CSNK2A2IP: variants seen among roughly 807,000 people sequenced by gnomAD.
CSNK2A2IP encodes the protein casein kinase II subunit alpha'-interacting protein.
chr3:88,424,110 T>C, the CSNK2A2IP span, among the ~76,000 whole-genome samples: 3 of 152,180 alleles, frequency 2.0e-5, no homozygotes, highest in Non-Finnish European at 4.4e-5. Flanking sequence ...CTCTTACTTG[T>C]CCCTACTTCT....
the CSNK2A2IP span, among the ~76,000 whole-genome samples, chr3:88,370,598 T>TTCTCTCTC: frequency 1.6e-5 from 2 of 128,906 alleles, no homozygotes; most frequent in African/African-American, 5.6e-5. Flanking sequence ...CTTTCTTTCT[T>TTCTCTCTC]TCTCTCTCTC....
At chr3:88,417,605 C>G in the CSNK2A2IP span, among the ~76,000 whole-genome samples, 1 of 152,202 alleles carries the variant, frequency 6.6e-6, no homozygotes, top group African/African-American at 2.4e-5. Context: ...CCACTAAGAA[C>G]CAACTATGAG....
the CSNK2A2IP span, among the ~76,000 whole-genome samples, chr3:88,394,476 G>A: frequency 6.6e-6 from 1 of 152,194 alleles, no homozygotes; most frequent in Admixed American, 6.5e-5. Context: ...GGGTTCAAGT[G>A]ATTATCCTGC....
the CSNK2A2IP span, among the ~76,000 whole-genome samples, chr3:88,377,898 T>C: frequency 2.0e-5 from 3 of 151,926 alleles, no homozygotes; most frequent in Non-Finnish European, 2.9e-5. Flanking sequence ...TTCACTCTTT[T>C]GTAATTGAAA....
chr3:88,379,281 C>T, the CSNK2A2IP span, among the ~76,000 whole-genome samples: 68 of 152,110 alleles, frequency 4.5e-4, no homozygotes, highest in African/African-American at 1.6e-3. Context: ...CCTCCCTCTG[C>T]TGGTTTCAGA....
At chr3:88,444,984 G>GTGTAAATGTTTGATCTTA in the CSNK2A2IP span, among the ~76,000 whole-genome samples, 1 of 151,962 alleles carries the variant, frequency 6.6e-6, no homozygotes, top group Non-Finnish European at 1.5e-5. Flanking sequence ...AAGTTACTTT[G>GTGTAAATGTTTGATCTTA]TGTAAATGTT....
chr3:88,367,742 C>T, the CSNK2A2IP span, among the ~76,000 whole-genome samples: 6 of 152,176 alleles, frequency 3.9e-5, no homozygotes, highest in Non-Finnish European at 8.8e-5. Context: ...CTGAACAGAA[C>T]TCCTGTGTTA....
chr3:88,370,105 T>C, the CSNK2A2IP span, among the ~76,000 whole-genome samples: 15,771 of 151,526 alleles, frequency 0.1, 1,286 homozygotes, highest in Admixed American at 0.27. Flanking sequence ...CTAGCAATCC[T>C]ATGAAGAAGA....
the CSNK2A2IP span, among the ~76,000 whole-genome samples, chr3:88,379,046 T>C: frequency 2.0e-5 from 3 of 152,092 alleles, no homozygotes; most frequent in African/African-American, 7.2e-5. Context: ...ATTTATGTTT[T>C]GCTTGGCATT....
At chr3:88,344,436 T>C in the CSNK2A2IP span, among the ~76,000 whole-genome samples, 2 of 151,956 alleles carry the variant, frequency 1.3e-5, no homozygotes, top group Non-Finnish European at 2.9e-5. Flanking sequence ...GCTCATCAAA[T>C]ATTGGGAGAA....
the CSNK2A2IP span, among the ~76,000 whole-genome samples, chr3:88,345,750 C>G: frequency 6.8e-6 from 1 of 146,396 alleles, no homozygotes; most frequent in Non-Finnish European, 1.5e-5. Context: ...CTCCCTATTC[C>G]CCAAGACAGA....
At chr3:88,439,673 C>A in the CSNK2A2IP span, among the ~76,000 whole-genome samples, 1 of 144,970 alleles carries the variant, frequency 6.9e-6, no homozygotes, top group African/African-American at 2.6e-5. Context: ...ACCAGGGAGT[C>A]GGAGGTTGCA....
the CSNK2A2IP span, among the ~76,000 whole-genome samples, chr3:88,368,745 T>C: frequency 2.0e-5 from 3 of 152,072 alleles, no homozygotes; most frequent in African/African-American, 7.2e-5. Flanking sequence ...TCCCAATGTG[T>C]TTGCATTGAC....
chr3:88,362,031 C>G, the CSNK2A2IP span, among the ~76,000 whole-genome samples: 3 of 152,084 alleles, frequency 2.0e-5, no homozygotes, highest in East Asian at 5.8e-4. Context: ...TTCTTCAAGA[C>G]AGTTGACAGC....
At chr3:88,373,036 C>G in the CSNK2A2IP span, among the ~76,000 whole-genome samples, 1 of 151,392 alleles carries the variant, frequency 6.6e-6, no homozygotes, top group Admixed American at 6.6e-5. Context: ...ACAATTACAG[C>G]TGTAAATTAT....
chr3:88,405,753 G>T, the CSNK2A2IP span, among the ~76,000 whole-genome samples: 1 of 152,006 alleles, frequency 6.6e-6, no homozygotes, highest in Non-Finnish European at 1.5e-5. Flanking sequence ...CCATTTTAAG[G>T]CACTTTTCCT....
chr3:88,357,745 C>T, the CSNK2A2IP span, among the ~76,000 whole-genome samples: 2 of 124,588 alleles, frequency 1.6e-5, no homozygotes, highest in South Asian at 5.7e-4. Context: ...GTGTCCTATT[C>T]AATTTCTTTC....
the CSNK2A2IP span, among the ~76,000 whole-genome samples, chr3:88,376,950 G>A: frequency 6.6e-6 from 1 of 151,626 alleles, no homozygotes; most frequent in Non-Finnish European, 1.5e-5. Context: ...ACAGTGTTCT[G>A]ATTTGCCATC....
chr3:88,465,313 C>T, the CSNK2A2IP span: 1 of 1,164,334 alleles, frequency 8.6e-7, no homozygotes, highest in Non-Finnish European at 1.1e-6. Context: ...CTAAATCATC[C>T]CCACAAGCCA....
Sources: gnomAD v4.1 joint callset for allele counts (sites outside exome capture counted in the v4.1 genomes callset) on GRCh38, gnomAD v4.1.1 for gene constraint, MANE v1.5 for transcripts, NCBI Gene and HGNC (gene_info 2026-07-23, HGNC 2026-07-21) for gene names.